The following LZIC variants were observed in gnomAD, a reference collection of about 807,000 sequenced individuals.
LZIC encodes protein LZIC.
A neutral mutation model predicts 25.4 loss-of-function variants in LZIC; 28 were observed. The observed-to-expected ratio is 1.10, with a 90% CI of 0.82 to 1.51. The LOEUF (loss-of-function observed/expected upper bound fraction) is 1.51. Ranked by LOEUF, LZIC falls within the 40% of genes most tolerant of loss-of-function variation. The pLI is 0.00. For synonymous variants in LZIC, 65 were observed against 70.7 expected, an observed-to-expected ratio of 0.92 and a Z score of 0.40; for missense variants, 170 against 211.1, an observed-to-expected ratio of 0.81 and a Z score of 1.21.
intron 2 of LZIC, among the ~76,000 whole-genome samples, chr1:9,937,667 T>C (rs1640519410): frequency 6.6e-6 from 1 of 151,790 alleles, no homozygotes; most frequent in African/African-American, 2.4e-5. Flanking sequence ...GCCAATATAG[T>C]GAGACTTCAT....
At chr1:9,932,040 G>A (rs959098251) in intron 6 of LZIC, 68 bp from the exon 7 acceptor site, 28 of 1,150,708 alleles carry the variant, frequency 2.4e-5, no homozygotes, top group Non-Finnish European at 3.3e-5. Context: ...AACCAGGTAA[G>A]AATGTCTTAG....
At position 9,935,538 on chromosome 1, in the gene LZIC, A is replaced by G; in HGVS notation, c.191T>C (p.Met64Thr). Residue 64 changes from methionine to threonine, a missense_variant, in exon 4 of 8, where the codon ATG (methionine) becomes ACG (threonine). Met to Thr is a moderately conservative substitution (Grantham distance 81). Coordinates refer to ENST00000377223, the MANE Select transcript of LZIC (RefSeq NM_032368.5). ...SEFNDSLKKI[M>T]SGNMTLVDEL... ...ATCTACCAAAGTCATATTTCCAGAC[A>G]TAATTTTCTTTAGTGAATCATTAAA... The G allele has an allele frequency of 6.2e-7, 1 of 1,612,642 alleles. No homozygotes were observed. The highest frequency in any genetic ancestry group is 8.5e-7 in the Non-Finnish European group (1 of 1,179,666).
intron 4 of LZIC, 112 bp from the exon 5 acceptor site, chr1:9,934,972 G>T: frequency 1.2e-6 from 1 of 809,084 alleles, no homozygotes; most frequent in Non-Finnish European, 2.1e-6. Flanking sequence ...TCCTGTCATG[G>T]AAGCAATTAC....
chr1:9,935,491 C>G lies in LZIC; in HGVS notation c.237+1G>C. On this transcript the variant is annotated splice_donor_variant, in intron 4 of 7. Coordinates refer to ENST00000377223, the MANE Select transcript of LZIC (RefSeq NM_032368.5). LOFTEE classifies it high-confidence loss of function. Reference sequence around the variant, plus strand: ...CTCTGTCGCCTATATGTTATACTTACCAGCTGCATTCCACTTAGTTCATCT... The same window carrying G: ...CTCTGTCGCCTATATGTTATACTTAGCAGCTGCATTCCACTTAGTTCATCT... 1 of 1,598,708 alleles carries G rather than the reference C, an allele frequency of 6.3e-7. No homozygotes were observed. Among genetic ancestry groups the G allele is most frequent in the Non-Finnish European group, 8.5e-7 (1 of 1,175,986 alleles).
In LZIC at chr1:9,930,291, T is replaced by C. The variant is rs1342718115; in HGVS notation, c.*108A>G. 66 of 1,558,300 alleles carry C rather than the reference T, an allele frequency of 4.2e-5. No homozygotes were observed. In the South Asian group the frequency reaches 6.8e-4, roughly 16 times the overall value. On this transcript the variant is annotated 3_prime_UTR_variant, in exon 8 of 8. Coordinates refer to ENST00000377223, the MANE Select transcript of LZIC (RefSeq NM_032368.5). ...TTTATGTCGCTTTTTCTTAGGTTATTGATGCATTTCCAGAATCTCTTCATT... is the reference window on the plus strand; with the variant it reads ...TTTATGTCGCTTTTTCTTAGGTTATCGATGCATTTCCAGAATCTCTTCATT...
chr1:9,937,053 CAGG>C (rs1288685542), intron 2 of LZIC, among the ~76,000 whole-genome samples: 3 of 151,422 alleles, frequency 2.0e-5, no homozygotes, highest in African/African-American at 7.3e-5. Context: ...CACCTGAGGT[CAGG>C]AGTTCAAGAC....
chr1:9,943,093 G>A (rs1479840299), intron 1 of LZIC, 156 bp downstream of exon 1: 1 of 203,948 alleles, frequency 4.9e-6, no homozygotes, highest in Non-Finnish European at 1.1e-5. Context: ...ACAGGACTGG[G>A]TGAAGAATCA....
At position 9,931,932 on chromosome 1, in the gene LZIC, C is replaced by G. The variant is rs749270940; in HGVS notation, c.473G>C (p.Gly158Ala). 1.4e-5 allele frequency: 23 copies of G among 1,613,760 alleles called. No individual in the cohort carries two copies. The highest frequency in any genetic ancestry group is 1.8e-5 in the Non-Finnish European group (21 of 1,179,906). The stretch of plus-strand genomic sequence containing the variant: ...TTTCTCAAACTGGCTGAGTATAGCA[C>G]CTGCATTTGCTGACAAGAAGGCCTC... ...DDEAFLSANA[G>A]AILSQFEKVS... is the part of the protein sequence containing the mutation. The change falls in exon 7 of 8, where the codon GGT (glycine) becomes GCT (alanine). Residue 158 changes from glycine (G) to alanine (A), a missense_variant. Physicochemically the swap from Gly to Ala is moderately conservative, Grantham distance 60. Transcript: ENST00000377223.
At chr1:9,933,759 A>T (rs1640337020) in intron 5 of LZIC, among the ~76,000 whole-genome samples, 2 of 151,828 alleles carry the variant, frequency 1.3e-5, no homozygotes, top group Non-Finnish European at 2.9e-5. Context: ...TACAAAAATT[A>T]GTGGGGTGTG....
In LZIC at chr1:9,930,421, T is replaced by C. The variant is rs888270230; in HGVS notation, c.551A>G (p.Glu184Gly). The change falls in exon 8 of 8, where the codon GAG becomes GGG. Residue 184 changes from glutamate to glycine, a missense_variant. Transcript: ENST00000377223. ...ATGTCATTTTTTTGTTTTTTCAACC[T>C]CAAAACTTGCCAGAGCAAGAATTTT... ...GDKILALASF[E>G]VEKTKK is the part of the protein sequence containing the mutation. 4 of 1,613,736 alleles carry C rather than the reference T, an allele frequency of 2.5e-6. No individual in the cohort carries two copies. Among genetic ancestry groups the C allele is most frequent in the Non-Finnish European group, 3.4e-6 (4 of 1,179,772 alleles).
chr1:9,922,615 A>G (rs1639890898), downstream of LZIC, among the ~76,000 whole-genome samples: 2 of 152,230 alleles, frequency 1.3e-5, no homozygotes, highest in Admixed American at 1.3e-4. Context: ...ATTTCTGCTC[A>G]TCTTATTAAT....
rs555837098 is a variant in LZIC at position 9,928,151 on chromosome 1, C to A, written c.*2248G>T. On this transcript the variant is annotated 3_prime_UTR_variant, in exon 8 of 8. Transcript: ENST00000377223. The stretch of plus-strand genomic sequence containing the variant: ...CCAACATGGAGAAACCCCATCTCTA[C>A]TAAAAACACAAAATTAGCCAGGTGT... Among the ~76,000 whole-genome samples, 1 of 152,098 alleles carries A rather than the reference C, an allele frequency of 6.6e-6. No homozygotes were observed. Among genetic ancestry groups the A allele is most frequent in the South Asian group, 2.1e-4 (1 of 4,818 alleles).
At chr1:9,942,597 G>T in intron 2 of LZIC, 27 bp downstream of exon 2, 1 of 1,153,874 alleles carries the variant, frequency 8.7e-7, no homozygotes, top group South Asian at 1.3e-5. Flanking sequence ...ACTATATCTG[G>T]AGCGGAGGGT....
chr1:9,939,128 A>T (rs1258214670), intron 2 of LZIC, among the ~76,000 whole-genome samples: 1 of 152,048 alleles, frequency 6.6e-6, no homozygotes. Context: ...CCCCGACTGG[A>T]GTGCGGTGGC....
chr1:9,933,917 ACAAC>A (rs911599584), intron 5 of LZIC, among the ~76,000 whole-genome samples: 9 of 62,128 alleles, frequency 1.4e-4, no homozygotes, highest in Non-Finnish European at 4.7e-4. Context: ...AACAACAACA[ACAAC>A]AAAAAAACAA....
chr1:9,941,231 G>A (rs991841357), intron 2 of LZIC, among the ~76,000 whole-genome samples: 3 of 151,430 alleles, frequency 2.0e-5, no homozygotes, highest in Non-Finnish European at 2.9e-5. Flanking sequence ...GGCGTCTCAC[G>A]GTCACCCAGG....
chr1:9,933,254 CAAAAAAAA>C (rs60791463), intron 5 of LZIC, among the ~76,000 whole-genome samples: 297 of 43,320 alleles, frequency 6.9e-3, no homozygotes, highest in African/African-American at 9.2e-3. Context: ...GACTCCACCA[CAAAAAAAA>C]AAAAAAAAAA....
At chr1:9,938,256 C>T (rs1016760158) in intron 2 of LZIC, among the ~76,000 whole-genome samples, 7 of 152,112 alleles carry the variant, frequency 4.6e-5, no homozygotes, top group African/African-American at 1.4e-4. Context: ...TAGCCTCAAC[C>T]TCTCGAGCTC....
At chr1:9,932,613 G>A (rs557006458) in intron 6 of LZIC, among the ~76,000 whole-genome samples, 190 bp downstream of exon 6, 2 of 151,060 alleles carry the variant, frequency 1.3e-5, no homozygotes, top group African/African-American at 2.4e-5. Flanking sequence ...AACCCAGGAG[G>A]GGGAGGTTGC....
Sources: gnomAD v4.1 joint callset for allele counts (sites outside exome capture counted in the v4.1 genomes callset) on GRCh38, gnomAD v4.1.1 for gene constraint, MANE v1.5 for transcripts, NCBI Gene and HGNC (gene_info 2026-07-23, HGNC 2026-07-21) for gene names.